UMAD1: variants seen among roughly 807,000 people sequenced by gnomAD.
UMAD1 encodes UBAP1-MVB12-associated (UMA) domain containing 1.
Under a neutral mutation model 6.1 loss-of-function variants are expected in UMAD1, and 8 were observed. The ratio of observed to expected loss-of-function variants is 1.30; its 90% CI spans 0.76 to 2.35. UMAD1 has a LOEUF of 2.35. Ranked by LOEUF, UMAD1 falls within the 30% of genes most tolerant of loss-of-function variation. The probability of loss-of-function intolerance (pLI) is 0.00; values close to 1 mark genes in which losing one functional copy is unlikely to be tolerated. For synonymous variants in UMAD1, 56 were observed against 31.4 expected, an observed-to-expected ratio of 1.78 and a Z score of -2.61; for missense variants, 130 against 78.4, an observed-to-expected ratio of 1.66 and a Z score of -2.49.
At chr7:7,798,001 T>C (rs1251598096) in intron 2 of UMAD1, among the ~76,000 whole-genome samples, 1 of 152,240 alleles carries the variant, frequency 6.6e-6, no homozygotes, top group African/African-American at 2.4e-5. Flanking sequence ...TTCAACTTTT[T>C]ATCCCGGAAA....
At chr7:7,797,297 C>T (rs1430018371) in intron 2 of UMAD1, among the ~76,000 whole-genome samples, 1 of 152,164 alleles carries the variant, frequency 6.6e-6, no homozygotes, top group African/African-American at 2.4e-5. Context: ...AAACACCTCC[C>T]AGCAGGCCCA....
intron 3 of UMAD1, among the ~76,000 whole-genome samples, chr7:7,848,672 A>G (rs948951150): frequency 1.3e-5 from 2 of 152,144 alleles, no homozygotes; most frequent in African/African-American, 4.8e-5. Flanking sequence ...GGAAGGTGAC[A>G]CAGGGGTTTG....
chr7:7,723,934 A>T (rs191108730), intron 2 of UMAD1, among the ~76,000 whole-genome samples: 1 of 152,240 alleles, frequency 6.6e-6, no homozygotes, highest in African/African-American at 2.4e-5. Flanking sequence ...TGAGAAGAAA[A>T]TTTTCAGATC....
chr7:7,806,436 G>A (rs1317544269), intron 3 of UMAD1, among the ~76,000 whole-genome samples: 3 of 152,100 alleles, frequency 2.0e-5, no homozygotes, highest in African/African-American at 7.2e-5. Context: ...TTTTTGAAAG[G>A]CAGGGGCTAT....
intron 3 of UMAD1, among the ~76,000 whole-genome samples, chr7:7,846,737 A>G (rs3940317): frequency 6.6e-6 from 1 of 152,040 alleles, no homozygotes; most frequent in Non-Finnish European, 1.5e-5. Context: ...AATTTCAAAT[A>G]TTTTAACATG....
intron 2 of UMAD1, among the ~76,000 whole-genome samples, chr7:7,756,435 C>T (rs956091890): frequency 6.6e-6 from 1 of 152,224 alleles, no homozygotes; most frequent in East Asian, 1.9e-4. Context: ...TATAACCAAA[C>T]AGTCCATGGG....
At chr7:7,768,811 T>C (rs560213759) in intron 2 of UMAD1, among the ~76,000 whole-genome samples, 1 of 152,342 alleles carries the variant, frequency 6.6e-6, no homozygotes, top group African/African-American at 2.4e-5. Flanking sequence ...ATGTAATAAT[T>C]TTGTACTTTC....
chr7:7,754,789 G>A (rs916799837), intron 2 of UMAD1, among the ~76,000 whole-genome samples: 3 of 151,994 alleles, frequency 2.0e-5, no homozygotes, highest in Non-Finnish European at 2.9e-5. Context: ...AAAATCCAAA[G>A]GACATCACTG....
At chr7:7,860,791 AC>A (rs1563267087) in intron 3 of UMAD1, among the ~76,000 whole-genome samples, 1 of 109,606 alleles carries the variant, frequency 9.1e-6, no homozygotes, top group African/African-American at 4.2e-5. Flanking sequence ...AAAAAAAATA[AC>A]AAAAAAAATA....
intron 2 of UMAD1, among the ~76,000 whole-genome samples, chr7:7,704,701 A>T (rs1435098361): frequency 8.0e-6 from 1 of 124,704 alleles, no homozygotes; most frequent in African/African-American, 3.0e-5. Flanking sequence ...CAGGGGGTGG[A>T]GGTTGCAGTG....
chr7:7,807,413 G>C (rs1454341070), intron 3 of UMAD1, among the ~76,000 whole-genome samples: 1 of 152,044 alleles, frequency 6.6e-6, no homozygotes, highest in Non-Finnish European at 1.5e-5. Context: ...TCAATGGCTG[G>C]TAATAAGGGG....
At chr7:7,805,676 C>G (rs1782899105) in intron 3 of UMAD1, among the ~76,000 whole-genome samples, 2 of 152,140 alleles carry the variant, frequency 1.3e-5, no homozygotes, top group Admixed American at 1.3e-4. Context: ...TCTCCCCATC[C>G]CCATCCACCA....
intron 3 of UMAD1, among the ~76,000 whole-genome samples, chr7:7,871,534 C>T (rs1209363490): frequency 6.6e-6 from 1 of 152,222 alleles, no homozygotes; most frequent in Non-Finnish European, 1.5e-5. Flanking sequence ...TGTTGTAAGA[C>T]TTAAATGAGC....
rs145070810 is a variant in UMAD1 at position 7,758,177 on chromosome 7, A to G, written c.83-43493A>G. On this transcript the variant is annotated intron_variant, in intron 2 of 3. Transcript: ENST00000682710. ...GTTCTGCCAAGCCTCCCAGTGTGCTATGGTTACGGGCATGAGCCACCGCGT... is the reference window on the plus strand; with the variant it reads ...GTTCTGCCAAGCCTCCCAGTGTGCTGTGGTTACGGGCATGAGCCACCGCGT... Among the ~76,000 whole-genome samples the G allele has an allele frequency of 4.3e-4, 65 of 152,116 alleles. No individual in the cohort carries two copies. In the Middle Eastern group the frequency reaches 0.031, roughly 72 times the overall value.
intron 2 of UMAD1, among the ~76,000 whole-genome samples, chr7:7,789,617 T>TCCCCCCCCCCCC (rs201727587): frequency 9.9e-6 from 1 of 101,044 alleles, no homozygotes; most frequent in African/African-American, 3.7e-5. Context: ...AAATACCCCT[T>TCCCCCCCCCCCC]CTCCCCTCCC....
At chr7:7,860,520 G>A (rs1001358603) in intron 3 of UMAD1, among the ~76,000 whole-genome samples, 10 of 150,650 alleles carry the variant, frequency 6.6e-5, no homozygotes, top group Non-Finnish European at 8.9e-5. Context: ...CAGCACTTTG[G>A]GAGGCCGAGG....
intron 2 of UMAD1, among the ~76,000 whole-genome samples, chr7:7,706,173 G>C (rs1780593998): frequency 6.6e-6 from 1 of 152,094 alleles, no homozygotes; most frequent in South Asian, 2.1e-4. Context: ...GGGGAAGAGA[G>C]AGTAATTAGT....
At chr7:7,662,800 G>A (rs1332249504) in intron 1 of UMAD1, among the ~76,000 whole-genome samples, 1 of 152,108 alleles carries the variant, frequency 6.6e-6, no homozygotes, top group African/African-American at 2.4e-5. Flanking sequence ...TTTTTAAAAT[G>A]GTTAATGGTG....
intron 1 of UMAD1, among the ~76,000 whole-genome samples, chr7:7,649,871 C>T (rs1463999766): frequency 1.3e-5 from 2 of 152,124 alleles, no homozygotes; most frequent in African/African-American, 2.4e-5. Context: ...CAGAGAGATC[C>T]CTTGCTCCTT....
Sources: gnomAD v4.1 joint callset for allele counts (sites outside exome capture counted in the v4.1 genomes callset) on GRCh38, gnomAD v4.1.1 for gene constraint, MANE v1.5 for transcripts, NCBI Gene and HGNC (gene_info 2026-07-23, HGNC 2026-07-21) for gene names.